The following ADORA1 variants were observed in gnomAD, a reference collection of about 807,000 sequenced individuals.
ADORA1 encodes adenosine A1 receptor, also known as adenosine receptor A1.
A neutral mutation model predicts 19.9 loss-of-function variants in ADORA1; 6 were observed. That is an observed-to-expected ratio of 0.30 (90% confidence interval 0.17 to 0.59). ADORA1 has a LOEUF of 0.59. Ranked by LOEUF, ADORA1 falls within the 20% of genes least tolerant of loss-of-function variation. ADORA1 has a pLI of 0.87. For synonymous variants in ADORA1, 194 were observed against 188.4 expected, an observed-to-expected ratio of 1.03 and a Z score of -0.24; for missense variants, 302 against 439.2, an observed-to-expected ratio of 0.69 and a Z score of 2.79.
Position 203,165,842 on chromosome 1 carries a change from G to T in ADORA1, c.923G>T (p.Arg308Leu), listed in dbSNP as rs141819948. 4 of 1,599,376 alleles carry T rather than the reference G, an allele frequency of 2.5e-6. No individual in the cohort carries two copies. Among genetic ancestry groups the T allele is most frequent in the Non-Finnish European group, 3.4e-6 (4 of 1,171,910 alleles). Reference protein sequence around the residue: ...TFLKIWNDHFRCQPAPPIDED... With the variant: ...TFLKIWNDHFLCQPAPPIDED... ...CTTAAGATTTGGAATGACCATTTCC[G>T]CTGCCAGCCTGCACCTCCCATTGAC... Residue 308 changes from arginine to leucine, a missense_variant, in exon 4 of 4, where the codon CGC becomes CTC. Transcript: ENST00000337894. The surrounding 1 kb of genome is among the most constrained non-coding windows in gnomAD (Gnocchi z 5.9).
At chr1:203,129,664 T>A (rs1202642874) in intron 3 of ADORA1, 1 of 156,790 alleles carries the variant, frequency 6.4e-6, no homozygotes, top group Non-Finnish European at 1.4e-5. Context: ...ACGGCAGGCT[T>A]CCCAAAGGCA....
chr1:203,161,841 C>T (rs560118942), intron 3 of ADORA1, among the ~76,000 whole-genome samples: 1 of 152,140 alleles, frequency 6.6e-6, no homozygotes, highest in South Asian at 2.1e-4. Flanking sequence ...TGCCAAAGTG[C>T]CAGGATTACA....
At chr1:203,150,626 T>C in intron 3 of ADORA1, 2 of 1,289,632 alleles carry the variant, frequency 1.6e-6, no homozygotes, top group Non-Finnish European at 2.0e-6. Flanking sequence ...ACTGTACTTC[T>C]TCCAGGTCCC....
intron 3 of ADORA1, among the ~76,000 whole-genome samples, chr1:203,142,936 C>A (rs1039233451): frequency 6.6e-5 from 10 of 152,080 alleles, no homozygotes; most frequent in African/African-American, 2.4e-4. Flanking sequence ...ATGCCCTGTT[C>A]TCTGTAAACA....
chr1:203,138,602 G>A (rs10158142), intron 3 of ADORA1, among the ~76,000 whole-genome samples: 1 of 152,114 alleles, frequency 6.6e-6, no homozygotes, highest in African/African-American at 2.4e-5. Flanking sequence ...AATTACCAGC[G>A]GATTTTGCAA....
Position 203,165,512 on chromosome 1 carries a change from T to C in ADORA1, c.593T>C (p.Leu198Pro), listed in dbSNP as rs1479885089. 2 of 1,613,598 alleles carry C rather than the reference T, an allele frequency of 1.2e-6. No homozygotes were observed. The highest frequency in any genetic ancestry group is 1.7e-5 in the Admixed American group (1 of 59,988). The change falls in exon 4 of 4, where the codon CTC becomes CCC. Residue 198 changes from leucine (L) to proline (P), a missense_variant. Coordinates refer to ENST00000337894, the MANE Select transcript of ADORA1 (RefSeq NM_000674.3). The surrounding 1 kb of genome is among the most constrained non-coding windows in gnomAD (Gnocchi z 5.9). ...CTGCCCCCGCTTCTCCTCATGGTCC[T>C]CATCTACCTGGAGGTCTTCTACCTA... The part of the protein sequence containing the change: ...WVLPPLLLMV[L>P]IYLEVFYLIR...
chr1:203,165,039 A>C lies in ADORA1; in HGVS notation c.342-222A>C. On this transcript the variant is annotated intron_variant, in intron 3 of 3. Transcript: ENST00000337894. The surrounding 1 kb of genome is among the most constrained non-coding windows in gnomAD (Gnocchi z 5.9). The stretch of plus-strand genomic sequence containing the variant: ...ATTATTATTTTTGTCATTAATCAGG[A>C]TTTCCTCTCTCTGTAGGAGAATAAG... The C allele has an allele frequency of 5.8e-6, 9 of 1,549,422 alleles. No homozygotes were observed. The highest frequency in any genetic ancestry group is 7.9e-6 in the Non-Finnish European group (9 of 1,146,424).
intron 3 of ADORA1, among the ~76,000 whole-genome samples, chr1:203,134,489 C>T (rs1654441709): frequency 6.6e-6 from 1 of 152,176 alleles, no homozygotes; most frequent in Non-Finnish European, 1.5e-5. Context: ...ATCTGGACTC[C>T]TTTCAAGTGT....
At chr1:203,137,214 A>C (rs1210135021) in intron 3 of ADORA1, among the ~76,000 whole-genome samples, 1 of 152,194 alleles carries the variant, frequency 6.6e-6, no homozygotes, top group East Asian at 1.9e-4. Context: ...ATGCAGATAT[A>C]GGGAGGGCAT....
chr1:203,139,107 C>A (rs1465468632), intron 3 of ADORA1, among the ~76,000 whole-genome samples: 1 of 152,218 alleles, frequency 6.6e-6, no homozygotes, highest in East Asian at 1.9e-4. Flanking sequence ...GCGTGAGCCA[C>A]CGTGCCTGGC....
intron 3 of ADORA1, among the ~76,000 whole-genome samples, chr1:203,157,386 T>C (rs968387381): frequency 6.6e-6 from 1 of 152,224 alleles, no homozygotes; most frequent in Non-Finnish European, 1.5e-5. Flanking sequence ...AATCTTAAGA[T>C]TCTAGAATAG....
Position 203,165,024 on chromosome 1 carries a change from T to G in ADORA1, c.342-237T>G. ...CCTCTGTGATTTTCTATTATTATTTTTGTCATTAATCAGGATTTCCTCTCT... is the reference window on the plus strand; with the variant it reads ...CCTCTGTGATTTTCTATTATTATTTGTGTCATTAATCAGGATTTCCTCTCT... On this transcript the variant is annotated intron_variant, in intron 3 of 3. Transcript: ENST00000337894. The surrounding 1 kb of genome is among the most constrained non-coding windows in gnomAD (Gnocchi z 5.9). The G allele has an allele frequency of 6.5e-7, 1 of 1,546,274 alleles. No homozygotes were observed.
At chr1:203,144,081 TACACACACAC>T (rs10525873) in intron 3 of ADORA1, among the ~76,000 whole-genome samples, 60 of 139,852 alleles carry the variant, frequency 4.3e-4, no homozygotes, top group South Asian at 3.4e-3. Flanking sequence ...GACTACCTCT[TACACACACAC>T]ACACACACAC....
chr1:203,153,134 G>A (rs749428784), intron 3 of ADORA1, among the ~76,000 whole-genome samples: 1 of 152,062 alleles, frequency 6.6e-6, no homozygotes, highest in Non-Finnish European at 1.5e-5. Context: ...CACAGGTCTG[G>A]GGGGAGCTTG....
Position 203,129,195 on chromosome 1 carries a change from C to T in ADORA1, c.341+13C>T, listed in dbSNP as rs755823436. 1.0e-5 allele frequency: 16 copies of T among 1,595,974 alleles called. No individual in the cohort carries two copies. Among genetic ancestry groups the T allele is most frequent in the Middle Eastern group, 3.3e-4 (2 of 5,992 alleles). On this transcript the variant is annotated intron_variant, in intron 3 of 3. Coordinates refer to ENST00000337894, the MANE Select transcript of ADORA1 (RefSeq NM_000674.3). ...AGATCCCTCTCCGGTGAGTCCACAGCGCCGAAGGTACTCGCAGCACCACAT... is the reference window on the plus strand; with the variant it reads ...AGATCCCTCTCCGGTGAGTCCACAGTGCCGAAGGTACTCGCAGCACCACAT...
Position 203,166,163 on chromosome 1 carries a change from C to A in ADORA1, c.*263C>A. The A allele has an allele frequency of 2.6e-6, 1 of 378,298 alleles. No homozygotes were observed. Among genetic ancestry groups the A allele is most frequent in the Non-Finnish European group, 4.7e-6 (1 of 214,892 alleles). 23.4% of individuals were successfully genotyped at this position (378,298 alleles called of 1,614,324 possible). A position where few individuals can be genotyped will look rare whatever the true frequency, so the allele number is the denominator to read the frequency against. On this transcript the variant is annotated 3_prime_UTR_variant, in exon 4 of 4. Transcript: ENST00000337894. ...GTCTAGAGGCAACAGTGTTCTGAGCCCCCACCTGCCTGACCATCCCATGAG... is the reference window on the plus strand; with the variant it reads ...GTCTAGAGGCAACAGTGTTCTGAGCACCCACCTGCCTGACCATCCCATGAG...
Position 203,165,689 on chromosome 1 carries a change from C to A in ADORA1, c.770C>A (p.Thr257Asn). 6.2e-7 allele frequency: 1 copy of A among 1,610,840 alleles called. No individual in the cohort carries two copies. The highest frequency in any genetic ancestry group is 1.1e-5 in the South Asian group (1 of 90,500). The change falls in exon 4 of 4, where the codon ACC becomes AAC. Residue 257 changes from threonine to asparagine, a missense_variant. Coordinates refer to ENST00000337894, the MANE Select transcript of ADORA1 (RefSeq NM_000674.3). This position sits in a 1 kb window ranked among gnomAD's most constrained non-coding sequence, Gnocchi z 5.9. ...CCTTTGCACATCCTCAACTGCATCACCCTCTTCTGCCCGTCCTGCCACAAG... is the reference window on the plus strand; with the variant it reads ...CCTTTGCACATCCTCAACTGCATCAACCTCTTCTGCCCGTCCTGCCACAAG... ...WLPLHILNCI[T>N]LFCPSCHKPS...
At chr1:203,164,115 T>C (rs1431778207) in intron 3 of ADORA1, among the ~76,000 whole-genome samples, 5 of 152,230 alleles carry the variant, frequency 3.3e-5, no homozygotes, top group Non-Finnish European at 7.3e-5. Context: ...TAGGAACCCC[T>C]GAGATATGAA....
chr1:203,143,093 C>A (rs1288783835), intron 3 of ADORA1, among the ~76,000 whole-genome samples: 2 of 152,180 alleles, frequency 1.3e-5, no homozygotes, highest in Non-Finnish European at 2.9e-5. Context: ...GGGGTGTTGT[C>A]TTAGTCTGTT....
Sources: allele counts gnomAD v4.1 joint callset (sites outside exome capture counted in the v4.1 genomes callset), GRCh38; gene constraint gnomAD v4.1.1; non-coding constraint Gnocchi (gnomAD v3.1); transcripts MANE v1.5; gene names NCBI Gene and HGNC (gene_info 2026-07-23, HGNC 2026-07-21).